The following RUNDC3B variants were observed in gnomAD, a reference collection of about 807,000 sequenced individuals.
The protein encoded by RUNDC3B is RUN domain-containing protein 3B.
Under a neutral mutation model 58.4 loss-of-function variants are expected in RUNDC3B, and 33 were observed. The ratio of observed to expected loss-of-function variants is 0.56; its 90% CI spans 0.43 to 0.75. The LOEUF is 0.75. Among genes scored for constraint, RUNDC3B ranks in the 30% least tolerant of loss-of-function variants. The pLI is 0.00. For missense variants in RUNDC3B, 501 were observed against 535.7 expected (o/e 0.94, Z 0.64); for synonymous variants, 193 against 195.2 (o/e 0.99, Z 0.10).
At chr7:87,724,565 A>T (rs1016946924) in intron 4 of RUNDC3B, among the ~76,000 whole-genome samples, 1 of 152,108 alleles carries the variant, frequency 6.6e-6, no homozygotes, top group Non-Finnish European at 1.5e-5. Context: ...AAATTTCATT[A>T]GTTAAAAAAT....
intron 6 of RUNDC3B, among the ~76,000 whole-genome samples, chr7:87,742,037 T>C (rs1832355322): frequency 6.6e-6 from 1 of 152,226 alleles, no homozygotes; most frequent in South Asian, 2.1e-4. Context: ...TGATGACTCT[T>C]AAAATATGTC....
intron 2 of RUNDC3B, among the ~76,000 whole-genome samples, chr7:87,660,163 T>C (rs1391520253): frequency 6.6e-6 from 1 of 152,108 alleles, no homozygotes; most frequent in African/African-American, 2.4e-5. Flanking sequence ...GAATTTTGCG[T>C]AAGTTTGGAA....
chr7:87,648,695 T>A (rs568819907), intron 1 of RUNDC3B, among the ~76,000 whole-genome samples: 1 of 152,280 alleles, frequency 6.6e-6, no homozygotes, highest in South Asian at 2.1e-4. Flanking sequence ...TGTTTTAGTA[T>A]TTTTTATTTC....
At chr7:87,781,953 T>C (rs934295843) in intron 8 of RUNDC3B, among the ~76,000 whole-genome samples, 4 of 151,986 alleles carry the variant, frequency 2.6e-5, no homozygotes, top group Non-Finnish European at 5.9e-5. Flanking sequence ...TCTTTTTTTG[T>C]TTTGTCTTTC....
chr7:87,711,162 A>C (rs1830046172), intron 4 of RUNDC3B, among the ~76,000 whole-genome samples: 1 of 151,886 alleles, frequency 6.6e-6, no homozygotes, highest in African/African-American at 2.4e-5. Context: ...CCCCGTCTCT[A>C]CTCAAAATAC....
chr7:87,747,246 C>T (rs1832694909), intron 6 of RUNDC3B, among the ~76,000 whole-genome samples: 2 of 152,126 alleles, frequency 1.3e-5, no homozygotes, highest in African/African-American at 4.8e-5. Context: ...TGTCTCTCTT[C>T]TGGGTCTAGC....
intron 8 of RUNDC3B, among the ~76,000 whole-genome samples, chr7:87,805,253 C>A (rs1836375495): frequency 6.6e-6 from 1 of 151,906 alleles, no homozygotes; most frequent in Non-Finnish European, 1.5e-5. Context: ...GGATGAGGTT[C>A]TCAACTTAAC....
chr7:87,819,689 C>G (rs1290805951), intron 10 of RUNDC3B, among the ~76,000 whole-genome samples: 1 of 152,218 alleles, frequency 6.6e-6, no homozygotes, highest in Admixed American at 6.5e-5. Flanking sequence ...CAAACTGTCT[C>G]TCAGACCACA....
chr7:87,688,200 T>A (rs544445964), intron 2 of RUNDC3B, among the ~76,000 whole-genome samples: 30 of 152,238 alleles, frequency 2.0e-4, no homozygotes, highest in Non-Finnish European at 3.8e-4. Flanking sequence ...CGTATTCATG[T>A]AATTCTCGAA....
intron 6 of RUNDC3B, among the ~76,000 whole-genome samples, chr7:87,765,843 T>G (rs1242137827): frequency 6.6e-6 from 1 of 150,584 alleles, no homozygotes; most frequent in Non-Finnish European, 1.5e-5. Flanking sequence ...TCCAGAGTAT[T>G]TTTTTTTTAT....
chr7:87,722,874 CTA>C (rs1830985009), intron 4 of RUNDC3B, among the ~76,000 whole-genome samples: 1 of 152,170 alleles, frequency 6.6e-6, no homozygotes, highest in African/African-American at 2.4e-5. Flanking sequence ...AGAGTTAAAA[CTA>C]TTTCCGATTC....
At chr7:87,701,545 G>A (rs1033165503) in intron 3 of RUNDC3B, among the ~76,000 whole-genome samples, 1 of 152,190 alleles carries the variant, frequency 6.6e-6, no homozygotes, top group Non-Finnish European at 1.5e-5. Context: ...ACAAAATCAT[G>A]TATGGGTAAA....
intron 8 of RUNDC3B, among the ~76,000 whole-genome samples, chr7:87,794,020 G>A (rs1310680577): frequency 2.0e-5 from 3 of 152,100 alleles, no homozygotes; most frequent in Non-Finnish European, 4.4e-5. Flanking sequence ...AAAATTAGGA[G>A]CATTTCTATA....
intron 3 of RUNDC3B, among the ~76,000 whole-genome samples, chr7:87,703,792 C>A (rs1366807504): frequency 1.4e-5 from 2 of 138,738 alleles, no homozygotes; most frequent in Non-Finnish European, 3.1e-5. Context: ...ATTTTTAATT[C>A]ATTTACTTAC....
intron 8 of RUNDC3B, among the ~76,000 whole-genome samples, chr7:87,780,545 G>A (rs1834869017): frequency 6.6e-6 from 1 of 152,140 alleles, no homozygotes; most frequent in Non-Finnish European, 1.5e-5. Context: ...TCCCCAATCT[G>A]TAGGTTGTCT....
chr7:87,718,881 C>T (rs1426396009), intron 4 of RUNDC3B, among the ~76,000 whole-genome samples: 1 of 151,944 alleles, frequency 6.6e-6, no homozygotes, highest in East Asian at 1.9e-4. Context: ...CAAAATGAAT[C>T]ATTTAGAGAC....
chr7:87,807,645 C>T (rs901763063), intron 9 of RUNDC3B, 126 bp downstream of exon 9: 32 of 704,286 alleles, frequency 4.5e-5, no homozygotes, highest in Admixed American at 3.6e-4. Context: ...GACAAGATTT[C>T]GGACTACTTT....
rs974811744 is a variant in RUNDC3B, at chr7:87,720,464, C to A, written c.458+9809C>A. ...TTTATCCAAAAAATCTACATAGTAACTTACGGCTAAGCAATTTCACTTCCA... is the reference window on the plus strand; with the variant it reads ...TTTATCCAAAAAATCTACATAGTAAATTACGGCTAAGCAATTTCACTTCCA... On this transcript the variant is annotated intron_variant, in intron 4 of 10. Coordinates refer to ENST00000394654, the MANE Select transcript of RUNDC3B (RefSeq NM_001134405.2). Among the ~76,000 whole-genome samples the A allele has an allele frequency of 7.4e-4, 112 of 151,628 alleles. No individual in the cohort carries two copies. The Middle Eastern group carries it at 0.014, about 18-fold the overall frequency.
At chr7:87,681,559 C>A (rs374624139) in intron 2 of RUNDC3B, among the ~76,000 whole-genome samples, 1 of 150,666 alleles carries the variant, frequency 6.6e-6, no homozygotes, top group East Asian at 2.0e-4. Context: ...AATGTACATA[C>A]CCTAATTAAA....
Sources: gnomAD v4.1 joint callset for allele counts (sites outside exome capture counted in the v4.1 genomes callset) on GRCh38, gnomAD v4.1.1 for gene constraint, MANE v1.5 for transcripts, NCBI Gene and HGNC (gene_info 2026-07-23, HGNC 2026-07-21) for gene names.